The following SLC22A14 variants were observed in gnomAD, a reference collection of about 807,000 sequenced individuals.
The protein encoded by SLC22A14 is organic cation transporter-like 4.
Under a neutral mutation model 53.9 loss-of-function variants are expected in SLC22A14, and 50 were observed. That is an observed-to-expected ratio of 0.93 (90% CI 0.74 to 1.17). The LOEUF is 1.17. Ranked by LOEUF, SLC22A14 falls within the 50% of genes most tolerant of loss-of-function variation. The probability of loss-of-function intolerance (pLI) is 0.00; values close to 1 mark genes in which losing one functional copy is unlikely to be tolerated. For synonymous variants in SLC22A14, 312 were observed against 303.0 expected (o/e 1.03, Z -0.31); for missense variants, 671 against 734.7 (o/e 0.91, Z 1.00).
chr3:38,315,540 C>T lies in SLC22A14; in HGVS notation c.1379-18C>T. ...GTCAAGGGAGGGCTGATGAGTGGAA[C>T]TCCTTCACCCACCCCAGGGGAGGAT... On this transcript the variant is annotated intron_variant, in intron 8 of 10. Transcript: ENST00000448498. 1 of 1,609,440 alleles carries T rather than the reference C, an allele frequency of 6.2e-7. No homozygotes were observed. The highest frequency in any genetic ancestry group is 2.2e-5 in the East Asian group (1 of 44,818).
At chr3:38,304,911 C>T (rs555421807) in intron 1 of SLC22A14, among the ~76,000 whole-genome samples, 1 of 152,180 alleles carries the variant, frequency 6.6e-6, no homozygotes. Flanking sequence ...GTTAAATCTT[C>T]TATCTACCAA....
At chr3:38,311,958 TCA>T (rs907618952) in intron 5 of SLC22A14, among the ~76,000 whole-genome samples, 6 of 152,212 alleles carry the variant, frequency 3.9e-5, no homozygotes, top group African/African-American at 1.2e-4. Flanking sequence ...TGAAGAAGTC[TCA>T]GTTTAATGGC....
In SLC22A14 at chr3:38,315,581, T is replaced by G; in HGVS notation, c.1402T>G (p.Trp468Gly). 1 of 1,614,028 alleles carries G rather than the reference T, an allele frequency of 6.2e-7. No individual in the cohort carries two copies. Among genetic ancestry groups the G allele is most frequent in the Non-Finnish European group, 8.5e-7 (1 of 1,179,972 alleles). Reference sequence around the variant, plus strand: ...AGGGGAGGATGGCCTCAGACTCAAGTGGCCACGTTGTCCGGCCACAGAGCT... The same window carrying G: ...AGGGGAGGATGGCCTCAGACTCAAGGGGCCACGTTGTCCGGCCACAGAGCT... ...PEGEDGLRLK[W>G]PRCPATELKS... Residue 468 changes from tryptophan to glycine, a missense_variant, in exon 9 of 11, where the codon TGG becomes GGG. Physicochemically the swap from Trp to Gly is radical, Grantham distance 184. Coordinates refer to ENST00000448498, the MANE Select transcript of SLC22A14 (RefSeq NM_001320033.2).
upstream of SLC22A14, among the ~76,000 whole-genome samples, chr3:38,281,367 C>T (rs987385660): frequency 3.3e-5 from 5 of 151,924 alleles, no homozygotes; most frequent in African/African-American, 1.2e-4. Context: ...TAACAGACTG[C>T]TTGAAACTGA....
intron 8 of SLC22A14, 66 bp downstream of exon 8, chr3:38,314,007 G>A (rs1279425784): frequency 8.3e-6 from 12 of 1,443,382 alleles, no homozygotes; most frequent in Non-Finnish European, 1.2e-5. Context: ...CCTCCCCAGT[G>A]CCGCCTGCCA....
intron 1 of SLC22A14, among the ~76,000 whole-genome samples, chr3:38,285,090 A>G (rs1012839039): frequency 6.6e-6 from 1 of 152,236 alleles, no homozygotes; most frequent in Non-Finnish European, 1.5e-5. Flanking sequence ...TGAAGTAAAC[A>G]GCACCTTAAC....
chr3:38,308,286 G>A (rs1396191136), intron 4 of SLC22A14: 1 of 165,120 alleles, frequency 6.1e-6, no homozygotes, highest in Non-Finnish European at 1.3e-5. Context: ...AGAAGAAAAA[G>A]CCAGGCAGCT....
intron 1 of SLC22A14, chr3:38,305,366 G>T (rs1704272912): frequency 6.6e-6 from 1 of 152,362 alleles, no homozygotes; most frequent in African/African-American, 2.4e-5. Flanking sequence ...TGAGCCAAGG[G>T]GTGCCCCGCA....
intron 1 of SLC22A14, chr3:38,305,791 G>A: frequency 1.9e-6 from 1 of 536,178 alleles, no homozygotes; most frequent in Non-Finnish European, 3.3e-6. Flanking sequence ...CAGAAGCACA[G>A]CATTTTCTAA....
chr3:38,294,760 C>T (rs759063206), intron 1 of SLC22A14, among the ~76,000 whole-genome samples: 3 of 151,992 alleles, frequency 2.0e-5, no homozygotes, highest in East Asian at 1.9e-4. Flanking sequence ...GAAAGGGGTC[C>T]GGGCTGCTGG....
intron 1 of SLC22A14, among the ~76,000 whole-genome samples, chr3:38,291,946 G>A (rs1021914328): frequency 3.3e-5 from 5 of 152,222 alleles, no homozygotes; most frequent in Non-Finnish European, 7.3e-5. Flanking sequence ...AGGGTTTTGG[G>A]ATGAGGAAAA....
intron 9 of SLC22A14, 57 bp from the exon 10 acceptor site, chr3:38,316,267 C>T (rs1575426676): frequency 4.6e-6 from 7 of 1,513,710 alleles, no homozygotes; most frequent in South Asian, 4.5e-5. Context: ...GCTGCTGGCC[C>T]TGCCCAGCCT....
chr3:38,281,502 C>T (rs1420505172), upstream of SLC22A14, among the ~76,000 whole-genome samples: 1 of 152,144 alleles, frequency 6.6e-6, no homozygotes, highest in Non-Finnish European at 1.5e-5. Flanking sequence ...CAAGGGGGCA[C>T]AGGTGAGGGA....
intron 9 of SLC22A14, 44 bp from the exon 10 acceptor site, chr3:38,316,280 G>GA: frequency 1.3e-6 from 2 of 1,589,618 alleles, no homozygotes; most frequent in African/African-American, 2.7e-5. Flanking sequence ...CCCAGCCTCT[G>GA]AACCCGGCAG....
rs566174873 is a variant in SLC22A14, at chr3:38,306,392, A to G, written c.366A>G (p.Gln122=). The change falls in exon 2 of 11, where the codon CAA becomes CAG. Residue 122 remains glutamine, a synonymous_variant. Transcript: ENST00000448498. The part of the protein sequence containing the change: ...KAEQLNLTIP[Q]APNGSFLTCF... Reference sequence around the variant, plus strand: ...AGCAGCTGAATCTGACCATACCCCAAGCACCCAATGGCAGTTTCCTGACAT... The same window carrying G: ...AGCAGCTGAATCTGACCATACCCCAGGCACCCAATGGCAGTTTCCTGACAT... The G allele has an allele frequency of 8.7e-6, 14 of 1,614,154 alleles. 1 individual carries two copies. The South Asian group carries it at 1.5e-4, about 18-fold the overall frequency.
rs755597554 is a variant in SLC22A14 at position 38,307,320 on chromosome 3, C to T, written c.583C>T (p.Pro195Ser). The T allele has an allele frequency of 2.5e-6, 4 of 1,614,056 alleles. No individual in the cohort carries two copies. The South Asian group carries it at 4.4e-5, about 18-fold the overall frequency. Reference sequence around the variant, plus strand: ...ACAGATCATGTTCATGGCAGGGCTCCCGATAGGCTCTCTCATCTTCAGGCT... The same window carrying T: ...ACAGATCATGTTCATGGCAGGGCTCTCGATAGGCTCTCTCATCTTCAGGCT... ...TAQIMFMAGL[P>S]IGSLIFRLIT... Residue 195 changes from proline (P) to serine (S), a missense_variant, in exon 3 of 11, where the codon CCG (proline) becomes TCG (serine). Coordinates refer to ENST00000448498, the MANE Select transcript of SLC22A14 (RefSeq NM_001320033.2). The surrounding 1 kb of genome is among the most constrained non-coding windows in gnomAD (Gnocchi z 4.4).
At chr3:38,301,275 C>G (rs1263081448) in intron 1 of SLC22A14, among the ~76,000 whole-genome samples, 1 of 152,138 alleles carries the variant, frequency 6.6e-6, no homozygotes, top group African/African-American at 2.4e-5. Context: ...CAGGTATTGC[C>G]AAATTGTCCT....
chr3:38,308,437 A>G (rs1704376604), intron 4 of SLC22A14, among the ~76,000 whole-genome samples: 1 of 152,244 alleles, frequency 6.6e-6, no homozygotes, highest in Non-Finnish European at 1.5e-5. Flanking sequence ...CACGGCAACT[A>G]AGTGAAAAAG....
At chr3:38,284,758 A>T (rs1043741656) in intron 1 of SLC22A14, among the ~76,000 whole-genome samples, 2 of 126,068 alleles carry the variant, frequency 1.6e-5, no homozygotes, top group African/African-American at 6.4e-5. Flanking sequence ...CACAAAATTA[A>T]AAAAAAAAAA....
Sources: gnomAD v4.1 joint callset for allele counts (sites outside exome capture counted in the v4.1 genomes callset) on GRCh38, gnomAD v4.1.1 for gene constraint, Gnocchi (gnomAD v3.1) non-coding constraint, MANE v1.5 for transcripts, NCBI Gene and HGNC (gene_info 2026-07-23, HGNC 2026-07-21) for gene names.